SMAP1: variants seen among roughly 807,000 people sequenced by gnomAD.
SMAP1 encodes the protein stromal membrane-associated protein 1.
SMAP1 carries 24 observed loss-of-function variants against 58.5 expected under a neutral mutation model. The ratio of observed to expected loss-of-function variants is 0.41; its 90% confidence interval spans 0.30 to 0.58. The LOEUF is 0.58. Ranked by LOEUF, SMAP1 falls within the 20% of genes least tolerant of loss-of-function variation. SMAP1 has a pLI of 0.29. For synonymous variants in SMAP1, 216 were observed against 196.6 expected, an observed-to-expected ratio of 1.10 and a Z score of -0.82; for missense variants, 563 against 566.3, an observed-to-expected ratio of 0.99 and a Z score of 0.06.
At chr6:70,675,320 A>T (rs1766439176) in intron 1 of SMAP1, among the ~76,000 whole-genome samples, 1 of 151,302 alleles carries the variant, frequency 6.6e-6, no homozygotes, top group Non-Finnish European at 1.5e-5. Context: ...AGGTACACAG[A>T]ACTTAAAGTA....
intron 1 of SMAP1, among the ~76,000 whole-genome samples, chr6:70,703,458 T>G (rs1177620481): frequency 6.6e-6 from 1 of 152,230 alleles, no homozygotes; most frequent in Non-Finnish European, 1.5e-5. Flanking sequence ...TGACCTTTTT[T>G]CTTGGATGCA....
chr6:70,737,435 C>T (rs765667347), intron 2 of SMAP1, among the ~76,000 whole-genome samples: 51 of 152,224 alleles, frequency 3.4e-4, no homozygotes, highest in Non-Finnish European at 8.8e-5. Flanking sequence ...GCATGAACCA[C>T]CGTGCTTGGC....
At chr6:70,827,855 T>C (rs181344023) in intron 6 of SMAP1, among the ~76,000 whole-genome samples, 143 of 152,312 alleles carry the variant, frequency 9.4e-4, no homozygotes, top group African/African-American at 3.3e-3. Context: ...AAATAAAATG[T>C]AGATTGTAAT....
intron 6 of SMAP1, among the ~76,000 whole-genome samples, chr6:70,803,937 G>C (rs1228461947): frequency 2.6e-5 from 4 of 152,188 alleles, no homozygotes; most frequent in Admixed American, 2.6e-4. Context: ...GAATAAGTGT[G>C]ATGTGCTGAG....
intron 1 of SMAP1, among the ~76,000 whole-genome samples, chr6:70,692,241 G>T (rs999202626): frequency 1.3e-5 from 2 of 152,198 alleles, no homozygotes; most frequent in African/African-American, 4.8e-5. Context: ...CTTCTTTGGA[G>T]AAATGTCTGA....
intron 2 of SMAP1, among the ~76,000 whole-genome samples, chr6:70,741,826 G>A (rs895914573): frequency 6.6e-6 from 1 of 152,174 alleles, no homozygotes; most frequent in African/African-American, 2.4e-5. Context: ...TGAAATCTAG[G>A]CGGAGGTTCC....
chr6:70,778,295 G>C (rs1767625810), intron 4 of SMAP1, among the ~76,000 whole-genome samples: 1 of 152,106 alleles, frequency 6.6e-6, no homozygotes, highest in Non-Finnish European at 1.5e-5. Context: ...TCTGTTCTTA[G>C]AAGAGAAGTT....
At chr6:70,777,782 C>A (rs1767605577) in intron 4 of SMAP1, among the ~76,000 whole-genome samples, 1 of 150,794 alleles carries the variant, frequency 6.6e-6, no homozygotes. Flanking sequence ...AGATGGAGTC[C>A]CCCTGTTTCA....
intron 7 of SMAP1, among the ~76,000 whole-genome samples, chr6:70,845,849 G>A (rs751909353): frequency 3.9e-5 from 6 of 152,184 alleles, no homozygotes; most frequent in Non-Finnish European, 7.3e-5. Context: ...GGGCGCTGGA[G>A]ACACATTTAT....
At chr6:70,677,316 TTGCCTC>T (rs1480648603) in intron 1 of SMAP1, among the ~76,000 whole-genome samples, 3 of 151,508 alleles carry the variant, frequency 2.0e-5, no homozygotes, top group Admixed American at 6.6e-5. Context: ...AGTCCAAGCT[TTGCCTC>T]TGACTTGCTT....
intron 10 of SMAP1, chr6:70,859,909 G>T (rs555614672): frequency 2.7e-5 from 7 of 262,006 alleles, no homozygotes; most frequent in Non-Finnish European, 4.3e-5. Flanking sequence ...ATATCCTAGT[G>T]TAGGTGAAAG....
chr6:70,823,396 G>A (rs1331401008), intron 6 of SMAP1, among the ~76,000 whole-genome samples: 7 of 152,162 alleles, frequency 4.6e-5, no homozygotes, highest in African/African-American at 1.4e-4. Context: ...GAGGGGAGTA[G>A]AATTGGGTAT....
intron 6 of SMAP1, among the ~76,000 whole-genome samples, chr6:70,829,184 G>A (rs1770259653): frequency 6.6e-6 from 1 of 151,918 alleles, no homozygotes; most frequent in South Asian, 2.1e-4. Context: ...AGTGTACCTT[G>A]AGTTAAAATT....
intron 2 of SMAP1, among the ~76,000 whole-genome samples, chr6:70,732,797 AGTTT>A (rs1287403117): frequency 6.6e-6 from 1 of 152,124 alleles, no homozygotes; most frequent in African/African-American, 2.4e-5. Context: ...ATAATTCCAT[AGTTT>A]GTTTTATTTT....
intron 6 of SMAP1, among the ~76,000 whole-genome samples, chr6:70,822,105 A>G (rs1452944796): frequency 6.6e-6 from 1 of 152,202 alleles, no homozygotes; most frequent in African/African-American, 2.4e-5. Flanking sequence ...CCTGAAATAG[A>G]AAATTAGGAA....
intron 1 of SMAP1, among the ~76,000 whole-genome samples, chr6:70,681,981 G>C (rs1463443003): frequency 1.3e-5 from 2 of 152,088 alleles, no homozygotes; most frequent in Non-Finnish European, 2.9e-5. Context: ...GCAAGGTTTT[G>C]AGAAAATTTA....
rs1771487779 is a variant in SMAP1 at position 70,857,639 on chromosome 6, A to G, written c.962-283A>G. 4 of 420,172 alleles carry G rather than the reference A, an allele frequency of 9.5e-6. No individual in the cohort carries two copies. In the Admixed American group the frequency reaches 1.2e-4, roughly 12 times the overall value. The allele number at this position is 420,172 out of a possible 1,614,324, so 26.0% of individuals were successfully genotyped here. A position where few individuals can be genotyped will look rare whatever the true frequency, so the allele number is the denominator to read the frequency against. On this transcript the variant is annotated intron_variant, in intron 9 of 10. Transcript: ENST00000370455. ...ATAAAACAGTGTATGATGTCATGCT[A>G]CATAGTTTGGTCTTCACAGTGGAAG...
Position 70,667,928 on chromosome 6 carries a change from G to C in SMAP1, c.-96G>C. The C allele has an allele frequency of 9.5e-7, 1 of 1,056,242 alleles. No homozygotes were observed. Among genetic ancestry groups the C allele is most frequent in the Non-Finnish European group, 1.3e-6 (1 of 745,130 alleles). 65.4% of individuals were successfully genotyped at this position (1,056,242 alleles called of 1,614,324 possible). On this transcript the variant is annotated 5_prime_UTR_variant, in exon 1 of 11. Coordinates refer to ENST00000370455, the MANE Select transcript of SMAP1 (RefSeq NM_001044305.3). ...GCCGCTTCCTGGGCTGAGTCCGCCC[G>C]CGGTCCCGGCGGCGCCAGGTGCGTT...
chr6:70,668,221 C>A, intron 1 of SMAP1, 80 bp downstream of exon 1: 2 of 1,290,884 alleles, frequency 1.5e-6, no homozygotes, highest in Non-Finnish European at 2.2e-6. Flanking sequence ...GCTCGGGGCC[C>A]GAGCGGACGC....
Sources: gnomAD v4.1 joint callset for allele counts (sites outside exome capture counted in the v4.1 genomes callset) on GRCh38, gnomAD v4.1.1 for gene constraint, MANE v1.5 for transcripts, NCBI Gene and HGNC (gene_info 2026-07-23, HGNC 2026-07-21) for gene names.